RBFOX1: variants seen among roughly 807,000 people sequenced by gnomAD.
RBFOX1 encodes the protein RNA binding protein fox-1 homolog 1.
Under a neutral mutation model 57.7 loss-of-function variants are expected in RBFOX1, and 8 were observed. The ratio of observed to expected loss-of-function variants is 0.14; its 90% confidence interval spans 0.08 to 0.25. RBFOX1 has a LOEUF of 0.25. RBFOX1 is among the 10% of genes least tolerant of loss of function. The probability of loss-of-function intolerance (pLI) is 1.00; values close to 1 mark genes in which losing one functional copy is unlikely to be tolerated. For synonymous variants in RBFOX1, 326 were observed against 222.4 expected (o/e 1.47, Z -4.15); for missense variants, 611 against 548.5 (o/e 1.11, Z -1.14).
chr16:6,489,759 A>T (rs1390209121), intron 2 of RBFOX1, among the ~76,000 whole-genome samples: 1 of 152,118 alleles, frequency 6.6e-6, no homozygotes, highest in South Asian at 2.1e-4. Context: ...ACTCCTGCAG[A>T]TGCACTTCAC....
At chr16:5,303,537 T>C (rs1362001158) in intron 1 of RBFOX1, among the ~76,000 whole-genome samples, 1 of 152,166 alleles carries the variant, frequency 6.6e-6, no homozygotes, top group Non-Finnish European at 1.5e-5. Context: ...AAGCTGGCTG[T>C]GGGAGTCACA....
At chr16:6,809,553 A>G (rs1160251844) in intron 3 of RBFOX1, among the ~76,000 whole-genome samples, 1 of 152,154 alleles carries the variant, frequency 6.6e-6, no homozygotes, top group Non-Finnish European at 1.5e-5. Flanking sequence ...ACCTGAGACT[A>G]TATCCTATTG....
intron 4 of RBFOX1, among the ~76,000 whole-genome samples, chr16:7,273,695 T>G: frequency 6.6e-6 from 1 of 152,216 alleles, no homozygotes; most frequent in East Asian, 1.9e-4. Flanking sequence ...ATGGACCTTA[T>G]TTTTAAATAC....
intron 2 of RBFOX1, among the ~76,000 whole-genome samples, chr16:6,492,881 A>G (rs917511393): frequency 6.6e-6 from 1 of 152,242 alleles, no homozygotes; most frequent in Non-Finnish European, 1.5e-5. Context: ...ATACACATGC[A>G]ATTGTTTTAC....
intron 1 of RBFOX1, among the ~76,000 whole-genome samples, chr16:6,175,408 A>G (rs555138890): frequency 3.3e-5 from 5 of 152,264 alleles, no homozygotes; most frequent in African/African-American, 1.2e-4. Context: ...TTAACATTAC[A>G]CGTTCTGCTA....
At chr16:6,722,047 C>G (rs1407753702) in intron 3 of RBFOX1, 2 of 152,198 alleles carry the variant, frequency 1.3e-5, no homozygotes, top group African/African-American at 4.8e-5. Flanking sequence ...TCCTATGTAT[C>G]TACTGATGAA....
intron 3 of RBFOX1, among the ~76,000 whole-genome samples, chr16:6,788,180 C>G (rs2082284024): frequency 2.0e-5 from 3 of 152,204 alleles, no homozygotes. Context: ...TGAGATCGTG[C>G]CAGTGCACTC....
At chr16:7,589,997 G>GT (rs2094357284) in intron 7 of RBFOX1, among the ~76,000 whole-genome samples, 1 of 151,480 alleles carries the variant, frequency 6.6e-6, no homozygotes, top group Non-Finnish European at 1.5e-5. Context: ...TGGACGCAGT[G>GT]TCTCATACCT....
chr16:7,189,287 G>A (rs185120371), intron 4 of RBFOX1, among the ~76,000 whole-genome samples: 3 of 151,732 alleles, frequency 2.0e-5, no homozygotes, highest in Admixed American at 6.6e-5. Context: ...TTAGCCGGGC[G>A]TGGTGGCGGG....
intron 4 of RBFOX1, among the ~76,000 whole-genome samples, chr16:5,961,830 C>A (rs1035680029): frequency 6.6e-6 from 1 of 152,162 alleles, no homozygotes; most frequent in Non-Finnish European, 1.5e-5. Context: ...GTCCCGCCTC[C>A]CCTTGTTCTC....
At chr16:6,145,791 A>G (rs181363944) in intron 1 of RBFOX1, among the ~76,000 whole-genome samples, 45 of 152,296 alleles carry the variant, frequency 3.0e-4, no homozygotes, top group African/African-American at 1.1e-3. Flanking sequence ...TTGCAAAGGA[A>G]AAAAAGAAAA....
intron 4 of RBFOX1, among the ~76,000 whole-genome samples, chr16:7,478,830 T>C (rs1421131805): frequency 1.3e-5 from 2 of 152,190 alleles, no homozygotes; most frequent in Non-Finnish European, 2.9e-5. Flanking sequence ...CCTGAGGATG[T>C]AGAAAACCTC....
rs143255715 is a variant in RBFOX1 at position 6,981,489 on chromosome 16, G to T, written c.-15-70568G>T. On this transcript the variant is annotated intron_variant, in intron 3 of 15. Transcript: ENST00000550418. ...ATAAACCACAGATTCTTTATCCAGT[G>T]TATTAGTCTGTTCTCATGCTGCTAA... 6.5e-3 allele frequency among the ~76,000 whole-genome samples: 984 copies of T among 152,256 alleles called. 6 individuals carry two copies. Among genetic ancestry groups the T allele is most frequent in the Non-Finnish European group, 0.011 (740 of 68,020 alleles).
chr16:5,970,243 A>G (rs918053860), intron 4 of RBFOX1, among the ~76,000 whole-genome samples: 1 of 151,860 alleles, frequency 6.6e-6, no homozygotes, highest in African/African-American at 2.4e-5. Flanking sequence ...TTTCTCATAG[A>G]TGTTGTCTAT....
intron 3 of RBFOX1, among the ~76,000 whole-genome samples, chr16:6,808,361 G>T (rs981194531): frequency 1.3e-5 from 2 of 151,914 alleles, no homozygotes; most frequent in African/African-American, 4.8e-5. Context: ...AAGCACCCTT[G>T]TCACTCCCTT....
At chr16:7,548,484 A>G (rs2085276413) in intron 5 of RBFOX1, among the ~76,000 whole-genome samples, 1 of 152,152 alleles carries the variant, frequency 6.6e-6, no homozygotes, top group African/African-American at 2.4e-5. Context: ...AAACATTTAC[A>G]TTTGACACTG....
intron 4 of RBFOX1, among the ~76,000 whole-genome samples, chr16:7,097,003 T>C (rs559289762): frequency 1.7e-4 from 25 of 151,498 alleles, no homozygotes; most frequent in African/African-American, 5.6e-4. Context: ...AAAGAGCTGT[T>C]ACCAGAAAGC....
intron 1 of RBFOX1, among the ~76,000 whole-genome samples, chr16:6,191,428 G>A (rs1413703068): frequency 6.6e-6 from 1 of 152,080 alleles, no homozygotes; most frequent in East Asian, 1.9e-4. Flanking sequence ...TGAGAATTTA[G>A]GGGGTGGTCA....
intron 1 of RBFOX1, among the ~76,000 whole-genome samples, chr16:6,228,434 C>G (rs1422987783): frequency 6.6e-6 from 1 of 152,012 alleles, no homozygotes; most frequent in African/African-American, 2.4e-5. Context: ...CACAGACACA[C>G]ACACACACAC....
Sources: gnomAD v4.1 joint callset for allele counts (sites outside exome capture counted in the v4.1 genomes callset) on GRCh38, gnomAD v4.1.1 for gene constraint, MANE v1.5 for transcripts, NCBI Gene and HGNC (gene_info 2026-07-23, HGNC 2026-07-21) for gene names.